OCA2: variants seen among roughly 807,000 people sequenced by gnomAD.
The protein encoded by OCA2 is OCA2 melanosomal transmembrane protein, also known as P protein.
A neutral mutation model predicts 100.2 loss-of-function variants in OCA2; 77 were observed. That is an observed-to-expected ratio of 0.77 (90% CI 0.64 to 0.93). OCA2 has a LOEUF of 0.93. OCA2 is among the 40% of genes least tolerant of loss of function. OCA2 has a pLI of 0.00. For synonymous variants in OCA2, 432 were observed against 439.2 expected (o/e 0.98, Z 0.21); for missense variants, 1,062 against 1,089.1 (o/e 0.98, Z 0.35).
intron 9 of OCA2, among the ~76,000 whole-genome samples, chr15:28,002,628 T>C (rs1469996179): frequency 6.6e-6 from 1 of 152,106 alleles, no homozygotes; most frequent in East Asian, 1.9e-4. Context: ...GTTCCTGTGT[T>C]CCCAATCATC....
chr15:28,029,723 C>G (rs1005632686), intron 3 of OCA2, among the ~76,000 whole-genome samples: 1 of 149,384 alleles, frequency 6.7e-6, no homozygotes, highest in Non-Finnish European at 1.5e-5. Context: ...AAGAATACTT[C>G]TGAAAATATA....
At chr15:28,004,842 C>T (rs949090721) in intron 9 of OCA2, among the ~76,000 whole-genome samples, 1 of 152,070 alleles carries the variant, frequency 6.6e-6, no homozygotes, top group African/African-American at 2.4e-5. Context: ...TGTACTAACA[C>T]ACACACAGTC....
At chr15:28,009,516 C>T (rs532632202) in intron 9 of OCA2, among the ~76,000 whole-genome samples, 1 of 152,186 alleles carries the variant, frequency 6.6e-6, no homozygotes, top group Admixed American at 6.5e-5. Flanking sequence ...GGCAAAAGCC[C>T]GTCTCTACTA....
chr15:27,720,650 T>C, the OCA2 span, among the ~76,000 whole-genome samples: 1 of 151,928 alleles, frequency 6.6e-6, no homozygotes. Context: ...GGTGGCAAAA[T>C]TAGACCAGTG....
chr15:27,822,033 C>T lies in OCA2; in HGVS notation c.2432+22926G>A, dbSNP rs72710519. On this transcript the variant is annotated intron_variant, in intron 23 of 23. Transcript: ENST00000354638. ...TCCAATAAAACTTCAGTCACAGAAA[C>T]AAGTGAGCAGCCCATAGGCAGTCAA... 4.6e-3 allele frequency among the ~76,000 whole-genome samples: 699 copies of T among 152,270 alleles called. 4 individuals carry two copies. Among genetic ancestry groups the T allele is most frequent in the Non-Finnish European group, 7.7e-3 (527 of 68,022 alleles).
chr15:27,906,620 A>G (rs1032741821), intron 19 of OCA2, among the ~76,000 whole-genome samples: 4 of 152,330 alleles, frequency 2.6e-5, no homozygotes, highest in Admixed American at 6.5e-5. Flanking sequence ...ATAAGATTTC[A>G]AGGAAGAAGA....
At chr15:28,079,299 G>GT (rs58836608) in intron 2 of OCA2, among the ~76,000 whole-genome samples, 2,170 of 145,650 alleles carry the variant, frequency 0.015, 23 homozygotes, top group South Asian at 0.019. Context: ...TAAGATTACT[G>GT]TTTTTTTTTT....
At chr15:27,757,300 C>T (rs561433180) in intron 23 of OCA2, among the ~76,000 whole-genome samples, 6 of 152,354 alleles carry the variant, frequency 3.9e-5, no homozygotes, top group Non-Finnish European at 8.8e-5. Context: ...ATAACAATGG[C>T]AACCTGCCAT....
chr15:27,735,195 G>C, the OCA2 span, among the ~76,000 whole-genome samples: 2 of 152,060 alleles, frequency 1.3e-5, no homozygotes, highest in Admixed American at 6.5e-5. Flanking sequence ...AGAAATCCTG[G>C]AGGTGAAAAA....
chr15:27,740,492 G>T, the OCA2 span, among the ~76,000 whole-genome samples: 1 of 151,572 alleles, frequency 6.6e-6, no homozygotes, highest in East Asian at 1.9e-4. Context: ...CACTAGGAGA[G>T]AAGAAGAAGG....
chr15:27,750,144 C>T (rs556574847), downstream of OCA2, among the ~76,000 whole-genome samples: 2 of 152,294 alleles, frequency 1.3e-5, no homozygotes, highest in African/African-American at 4.8e-5. Flanking sequence ...GCCTCAGAAA[C>T]TGATGTGTAT....
At chr15:28,019,621 C>G (rs1403765050) in intron 6 of OCA2, among the ~76,000 whole-genome samples, 1 of 152,194 alleles carries the variant, frequency 6.6e-6, no homozygotes, top group Non-Finnish European at 1.5e-5. Context: ...CCTCCCCTCA[C>G]AGCAGACACC....
chr15:27,802,010 T>C (rs1422452260), intron 23 of OCA2, among the ~76,000 whole-genome samples: 1 of 152,082 alleles, frequency 6.6e-6, no homozygotes, highest in Non-Finnish European at 1.5e-5. Flanking sequence ...TAGTGACATA[T>C]AGATTAGAAA....
intron 21 of OCA2, among the ~76,000 whole-genome samples, chr15:27,855,357 C>T (rs533728986): frequency 1.7e-4 from 26 of 152,376 alleles, no homozygotes; most frequent in African/African-American, 4.6e-4. Flanking sequence ...CCTCGCCAGG[C>T]TGTCCTCTGC....
At chr15:27,747,442 C>T in the OCA2 span, among the ~76,000 whole-genome samples, 1 of 152,174 alleles carries the variant, frequency 6.6e-6, no homozygotes, top group Non-Finnish European at 1.5e-5. Flanking sequence ...GTTCAGCCAA[C>T]AGTTTCAAGA....
At chr15:28,083,619 G>A (rs7174027) in intron 1 of OCA2, among the ~76,000 whole-genome samples, 36,277 of 152,142 alleles carry the variant, frequency 0.24, 6,700 homozygotes, top group East Asian at 0.72. Context: ...ATTTGCATTT[G>A]AAACTGATGT....
At chr15:27,937,663 C>T (rs946140003) in intron 18 of OCA2, among the ~76,000 whole-genome samples, 1 of 152,190 alleles carries the variant, frequency 6.6e-6, no homozygotes, top group African/African-American at 2.4e-5. Flanking sequence ...CAAGGTTGAA[C>T]ACCTTCTCAT....
At chr15:27,745,105 G>A in the OCA2 span, among the ~76,000 whole-genome samples, 2 of 152,270 alleles carry the variant, frequency 1.3e-5, no homozygotes, top group Non-Finnish European at 1.5e-5. Context: ...TCTCCCACAA[G>A]AAAGAATTCA....
intron 23 of OCA2, 103 bp downstream of exon 23, chr15:27,844,856 C>G (rs2035473018): frequency 1.0e-5 from 9 of 870,172 alleles, no homozygotes; most frequent in Non-Finnish European, 1.5e-5. Flanking sequence ...TCTCTACTTG[C>G]TAAAAATATG....
Sources: allele counts gnomAD v4.1 joint callset (sites outside exome capture counted in the v4.1 genomes callset), GRCh38; gene constraint gnomAD v4.1.1; transcripts MANE v1.5; gene names NCBI Gene and HGNC (gene_info 2026-07-23, HGNC 2026-07-21).